The following INSC variants were observed in gnomAD, a reference collection of about 807,000 sequenced individuals.
INSC encodes the protein protein inscuteable homolog.
In INSC, 67 loss-of-function variants were observed where a neutral mutation model predicts 58.6. That is an observed-to-expected ratio of 1.14 (90% CI 0.94 to 1.40). The LOEUF is 1.40. INSC is among the 40% of genes most tolerant of loss of function. The pLI, the probability that INSC is intolerant of heterozygous loss-of-function variation, is 0.00. For missense variants in INSC, 714 were observed against 692.0 expected, an observed-to-expected ratio of 1.03 and a Z score of -0.36; for synonymous variants, 262 against 276.1, an observed-to-expected ratio of 0.95 and a Z score of 0.51.
intron 7 of INSC, among the ~76,000 whole-genome samples, chr11:15,210,000 C>G (rs973484804): frequency 6.6e-6 from 1 of 152,216 alleles, no homozygotes; most frequent in Admixed American, 6.5e-5. Context: ...CTTTGCCCGT[C>G]TCCTAATTCT....
chr11:15,117,189 G>A (rs1301959094), intron 1 of INSC, among the ~76,000 whole-genome samples: 2 of 151,686 alleles, frequency 1.3e-5, no homozygotes, highest in Non-Finnish European at 2.9e-5. Flanking sequence ...TGATCTGCCT[G>A]CCTAGGCCTC....
At chr11:15,187,286 A>G (rs1056425565) in intron 5 of INSC, among the ~76,000 whole-genome samples, 4 of 152,226 alleles carry the variant, frequency 2.6e-5, no homozygotes, top group Non-Finnish European at 4.4e-5. Flanking sequence ...CTATTGGTCA[A>G]GCAAGGCATT....
At chr11:15,221,118 A>C (rs1851420786) in intron 7 of INSC, among the ~76,000 whole-genome samples, 1 of 152,128 alleles carries the variant, frequency 6.6e-6, no homozygotes, top group Non-Finnish European at 1.5e-5. Context: ...GGAAGAGGGG[A>C]TTGGAGGTCA....
At chr11:15,212,992 C>T (rs1460091697) in intron 7 of INSC, among the ~76,000 whole-genome samples, 1 of 152,126 alleles carries the variant, frequency 6.6e-6, no homozygotes, top group African/African-American at 2.4e-5. Flanking sequence ...AAATGAGGCT[C>T]ATAGAAGGTG....
At chr11:15,112,474 G>C (rs758575258), upstream of INSC, 1 of 1,606,716 alleles carries the variant, frequency 6.2e-7, no homozygotes, top group Non-Finnish European at 8.5e-7. Context: ...GGAGCCATGA[G>C]ACGGCCCCCT....
rs397767085 is a variant in INSC, at chr11:15,169,203, C to CT, written c.57-6538_57-6537insT. On this transcript the variant is annotated intron_variant, in intron 2 of 12. Transcript: ENST00000379556. The stretch of plus-strand genomic sequence containing the variant: ...TGAGGGGCCTCAGAGGGAGGGTTCC[C>CT]GATGTAGCTAGGCATTGAAGGCACA... Among the ~76,000 whole-genome samples, 9 of 151,662 alleles carry CT rather than the reference C, an allele frequency of 5.9e-5. No individual in the cohort carries two copies. The South Asian group carries it at 8.4e-4, about 14-fold the overall frequency.
At chr11:15,195,907 A>G (rs59313608) in intron 6 of INSC, among the ~76,000 whole-genome samples, 1 of 152,222 alleles carries the variant, frequency 6.6e-6, no homozygotes, top group South Asian at 2.1e-4. Context: ...CAGTGTTTTC[A>G]TGGGAAAAGT....
In INSC at chr11:15,167,509, G is replaced by T. The variant is rs560760072; in HGVS notation, c.57-8232G>T. 1.6e-3 allele frequency among the ~76,000 whole-genome samples: 239 copies of T among 151,982 alleles called. 2 individuals are homozygous for T. The highest frequency in any genetic ancestry group is 2.0e-3 in the Non-Finnish European group (138 of 68,004). On this transcript the variant is annotated intron_variant, in intron 2 of 12. Transcript: ENST00000379556. ...AGGGTCTCACTTTGTCACCCAGACT[G>T]TAGTGCAGTGGCACCATAATAGCTC... is the stretch of plus-strand genomic sequence containing the variant.
chr11:15,223,779 T>C lies in INSC; in HGVS notation c.992-1871T>C, dbSNP rs79729343. On this transcript the variant is annotated intron_variant, in intron 8 of 12. Transcript: ENST00000379556. Reference sequence around the variant, plus strand: ...CCAAAATCAGAGGATAAGGCAATCATTGGATAAAGGGAATCAGAGTTCTTA... The same window carrying C: ...CCAAAATCAGAGGATAAGGCAATCACTGGATAAAGGGAATCAGAGTTCTTA... Among the ~76,000 whole-genome samples, 1,420 of 152,264 alleles carry C rather than the reference T, an allele frequency of 9.3e-3. 20 individuals carry two copies. Among genetic ancestry groups the C allele is most frequent in the African/African-American group, 0.033 (1,351 of 41,556 alleles).
downstream of INSC, among the ~76,000 whole-genome samples, chr11:15,247,733 GTATATA>G (rs57312382): frequency 2.4e-4 from 30 of 127,486 alleles, 1 homozygote; most frequent in South Asian, 9.9e-4. Context: ...TAGAAATAAG[GTATATA>G]TATATATATA....
intron 7 of INSC, among the ~76,000 whole-genome samples, chr11:15,219,252 G>A (rs1387932008): frequency 6.6e-6 from 1 of 152,142 alleles, no homozygotes. Flanking sequence ...TGGAGAAACA[G>A]GGCCTGTTGG....
intron 1 of INSC, among the ~76,000 whole-genome samples, chr11:15,137,888 C>T (rs937389889): frequency 6.6e-6 from 1 of 152,190 alleles, no homozygotes. Flanking sequence ...GCACAAGAGG[C>T]CTAGATTTTG....
In INSC at chr11:15,221,598, A is replaced by G. The variant is rs1402432730; in HGVS notation, c.941A>G (p.His314Arg). The change falls in exon 8 of 13, where the codon CAC becomes CGC. Residue 314 changes from histidine to arginine, a missense_variant. Transcript: ENST00000379556. ...VTSPHLPVTQ[H>R]LSSFLESMEE... Reference sequence around the variant, plus strand: ...TCCCCACACCTGCCCGTCACCCAGCACCTCAGTAGCTTCCTGGAGAGCATG... The same window carrying G: ...TCCCCACACCTGCCCGTCACCCAGCGCCTCAGTAGCTTCCTGGAGAGCATG... 2.5e-6 allele frequency: 4 copies of G among 1,613,748 alleles called. No individual in the cohort carries two copies. In the South Asian group the frequency reaches 4.4e-5, roughly 18 times the overall value.
chr11:15,220,154 A>C (rs1052145773), intron 7 of INSC, among the ~76,000 whole-genome samples: 1 of 152,244 alleles, frequency 6.6e-6, no homozygotes, highest in Non-Finnish European at 1.5e-5. Context: ...ATAATTAGGC[A>C]AACGAAATGC....
the INSC span, among the ~76,000 whole-genome samples, chr11:15,264,084 G>T: frequency 3.5e-5 from 5 of 141,296 alleles, no homozygotes; most frequent in African/African-American, 1.1e-4. Context: ...ATACTCCAAG[G>T]TACTCTTTTT....
chr11:15,186,971 A>G (rs1019568930), intron 5 of INSC, among the ~76,000 whole-genome samples: 1 of 152,224 alleles, frequency 6.6e-6, no homozygotes, highest in African/African-American at 2.4e-5. Context: ...CATTCTGTGC[A>G]GCAACAACAG....
chr11:15,170,352 T>G (rs904395434), intron 2 of INSC, among the ~76,000 whole-genome samples: 1 of 152,168 alleles, frequency 6.6e-6, no homozygotes, highest in East Asian at 1.9e-4. Context: ...GTCTCCTTAG[T>G]CACCTCTGTT....
chr11:15,249,406 A>G (rs921132768), downstream of INSC, among the ~76,000 whole-genome samples: 9 of 152,188 alleles, frequency 5.9e-5, no homozygotes, highest in African/African-American at 2.2e-4. Context: ...AGAAGCAAAT[A>G]ATATCCCTCC....
downstream of INSC, among the ~76,000 whole-genome samples, chr11:15,248,652 C>T (rs1327995953): frequency 2.0e-5 from 3 of 152,232 alleles, no homozygotes; most frequent in Non-Finnish European, 2.9e-5. Flanking sequence ...TCCTCAATAT[C>T]AGGCTAGTTG....
Sources: gnomAD v4.1 joint callset for allele counts (sites outside exome capture counted in the v4.1 genomes callset) on GRCh38, gnomAD v4.1.1 for gene constraint, MANE v1.5 for transcripts, NCBI Gene and HGNC (gene_info 2026-07-23, HGNC 2026-07-21) for gene names.